Variants in SMYD3 observed in about 807,000 individuals in gnomAD.
SMYD3 encodes histone-lysine N-methyltransferase SMYD3.
SMYD3 carries 36 observed loss-of-function variants against 57.7 expected under a neutral mutation model. That is an observed-to-expected ratio of 0.62 (90% CI 0.48 to 0.82). SMYD3 has a LOEUF of 0.82. Ranked by LOEUF, SMYD3 falls within the 40% of genes least tolerant of loss-of-function variation. SMYD3 has a pLI of 0.00. For missense variants in SMYD3, 515 were observed against 538.8 expected (o/e 0.96, Z 0.44); for synonymous variants, 211 against 195.0 (o/e 1.08, Z -0.68).
Position 246,162,487 on chromosome 1 carries a change from T to C in SMYD3, c.531+164714A>G, listed in dbSNP as rs539321783. ...TTTAAACTAATAGAATTGGTGTGCA[T>C]GTTCTTGAATCATTTAAAATTCTTA... On this transcript the variant is annotated intron_variant, in intron 5 of 11. Transcript: ENST00000490107. Among the ~76,000 whole-genome samples the C allele has an allele frequency of 9.8e-5, 15 of 152,322 alleles. No homozygotes were observed. The South Asian group carries it at 2.7e-3, about 27-fold the overall frequency.
intron 5 of SMYD3, among the ~76,000 whole-genome samples, chr1:246,228,754 A>G (rs1389209850): frequency 6.6e-6 from 1 of 152,210 alleles, no homozygotes; most frequent in Non-Finnish European, 1.5e-5. Flanking sequence ...CAGCAGCACC[A>G]TCACTTTATG....
At chr1:246,179,630 T>C (rs1386778680) in intron 5 of SMYD3, among the ~76,000 whole-genome samples, 1 of 152,168 alleles carries the variant, frequency 6.6e-6, no homozygotes, top group Non-Finnish European at 1.5e-5. Flanking sequence ...AAAAACATCT[T>C]TTAAAAGTGC....
intron 5 of SMYD3, among the ~76,000 whole-genome samples, chr1:245,941,943 C>A (rs1218084216): frequency 6.6e-6 from 1 of 152,142 alleles, no homozygotes; most frequent in African/African-American, 2.4e-5. Context: ...AAATGTGTCA[C>A]CACCAGGCCT....
intron 1 of SMYD3, among the ~76,000 whole-genome samples, chr1:246,395,631 AC>A (rs1355117097): frequency 0.017 from 704 of 41,792 alleles, 1 homozygote; most frequent in Non-Finnish European, 0.025. Flanking sequence ...GACAGGGAAG[AC>A]GAACACACCA....
At chr1:246,302,125 T>C (rs1000736738) in intron 5 of SMYD3, among the ~76,000 whole-genome samples, 3 of 152,152 alleles carry the variant, frequency 2.0e-5, no homozygotes, top group Non-Finnish European at 2.9e-5. Flanking sequence ...ACCACTAATC[T>C]TGGGGATTAT....
intron 10 of SMYD3, among the ~76,000 whole-genome samples, chr1:245,776,713 G>A (rs541570317): frequency 1.3e-5 from 2 of 152,270 alleles, no homozygotes; most frequent in South Asian, 4.1e-4. Context: ...AAGCAGAGAT[G>A]TTCTCTTCTT....
At chr1:245,915,358 C>G (rs1233574151) in intron 8 of SMYD3, among the ~76,000 whole-genome samples, 172 bp downstream of exon 8, 1 of 152,126 alleles carries the variant, frequency 6.6e-6, no homozygotes, top group Non-Finnish European at 1.5e-5. Context: ...TGGTGGGTGA[C>G]AAAAGTTCCA....
At chr1:246,059,591 C>A (rs538905451) in intron 5 of SMYD3, among the ~76,000 whole-genome samples, 1 of 152,046 alleles carries the variant, frequency 6.6e-6, no homozygotes, top group African/African-American at 2.4e-5. Flanking sequence ...ATATCTCAGA[C>A]GTTATCTTAG....
intron 5 of SMYD3, among the ~76,000 whole-genome samples, chr1:246,256,993 T>C (rs2063906657): frequency 6.6e-6 from 1 of 152,232 alleles, no homozygotes; most frequent in Admixed American, 6.5e-5. Context: ...AGGTACTGAT[T>C]TCTATTTTTA....
intron 11 of SMYD3, among the ~76,000 whole-genome samples, chr1:245,759,445 T>C (rs1469885663): frequency 6.7e-6 from 1 of 148,214 alleles, no homozygotes; most frequent in Non-Finnish European, 1.5e-5. Flanking sequence ...CCACCAAATA[T>C]ACAAAAGGTT....
chr1:246,483,257 G>C (rs2068136166), intron 1 of SMYD3, among the ~76,000 whole-genome samples: 1 of 152,094 alleles, frequency 6.6e-6, no homozygotes, highest in Non-Finnish European at 1.5e-5. Flanking sequence ...CTTGAAATCA[G>C]GCATTCTCAT....
chr1:246,339,233 G>C (rs61480569), intron 2 of SMYD3, among the ~76,000 whole-genome samples: 3,596 of 152,142 alleles, frequency 0.024, 138 homozygotes, highest in African/African-American at 0.082. Flanking sequence ...CTTCTGACCC[G>C]CATCTCTACT....
intron 10 of SMYD3, among the ~76,000 whole-genome samples, chr1:245,847,729 C>T (rs867340529): frequency 3.9e-5 from 6 of 152,110 alleles, no homozygotes; most frequent in African/African-American, 7.2e-5. Context: ...TATCCTGCTG[C>T]TTAGAGTACA....
chr1:246,062,289 A>G (rs2060268414), intron 5 of SMYD3, among the ~76,000 whole-genome samples: 1 of 152,168 alleles, frequency 6.6e-6, no homozygotes, highest in African/African-American at 2.4e-5. Context: ...GGGGATCTTT[A>G]TAGTCTACCA....
chr1:245,764,090 A>C lies in SMYD3; in HGVS notation c.1136T>G (p.Leu379Arg). 6.2e-7 allele frequency: 1 copy of C among 1,614,166 alleles called. No homozygotes were observed. The highest frequency in any genetic ancestry group is 8.5e-7 in the Non-Finnish European group (1 of 1,180,018). ...GGGAAACATGCCTTGATGTAGCTGCAGTTTGCCAACTTTCATCACTTGAAC... is the reference window on the plus strand; with the variant it reads ...GGGAAACATGCCTTGATGTAGCTGCCGTTTGCCAACTTTCATCACTTGAAC... ...RGVQVMKVGK[L>R]QLHQGMFPQA... The change falls in exon 11 of 12, where the codon CTG (leucine) becomes CGG (arginine). Residue 379 changes from leucine (L) to arginine (R), a missense_variant. By Grantham distance (102) the Leu-to-Arg change is moderately radical. Coordinates refer to ENST00000490107, the MANE Select transcript of SMYD3 (RefSeq NM_001167740.2).
At chr1:246,299,284 C>T (rs1041149678) in intron 5 of SMYD3, among the ~76,000 whole-genome samples, 2 of 151,976 alleles carry the variant, frequency 1.3e-5, no homozygotes, top group African/African-American at 4.8e-5. Context: ...CAAAGCAAAA[C>T]CACAAAGAGA....
chr1:245,793,613 C>T (rs561360434), intron 10 of SMYD3, among the ~76,000 whole-genome samples: 1 of 152,092 alleles, frequency 6.6e-6, no homozygotes, highest in Admixed American at 6.5e-5. Context: ...CTCTTGGTCT[C>T]TCAATCCCTG....
At chr1:245,784,861 T>G (rs1479683665) in intron 10 of SMYD3, among the ~76,000 whole-genome samples, 2 of 149,650 alleles carry the variant, frequency 1.3e-5, no homozygotes, top group Non-Finnish European at 3.0e-5. Flanking sequence ...TTTTTTTTTT[T>G]TTTTTGAGAT....
chr1:246,249,332 G>C (rs186332467), intron 5 of SMYD3, among the ~76,000 whole-genome samples: 1 of 149,924 alleles, frequency 6.7e-6, no homozygotes, highest in African/African-American at 2.5e-5. Flanking sequence ...TTGAACTCCT[G>C]ACCTTAAGTG....
Sources: allele counts gnomAD v4.1 joint callset (sites outside exome capture counted in the v4.1 genomes callset), GRCh38; gene constraint gnomAD v4.1.1; transcripts MANE v1.5; gene names NCBI Gene and HGNC (gene_info 2026-07-23, HGNC 2026-07-21).